Variants in GATAD2B observed in about 807,000 individuals in gnomAD.
GATAD2B encodes the protein transcriptional repressor p66-beta.
GATAD2B carries 8 observed loss-of-function variants against 64.3 expected under a neutral mutation model. The ratio of observed to expected loss-of-function variants is 0.12; its 90% CI spans 0.07 to 0.22. The LOEUF (loss-of-function observed/expected upper bound fraction) is 0.22, where lower values mean the gene tolerates loss of function less well. Among genes scored for constraint, GATAD2B ranks in the 10% least tolerant of loss-of-function variants. GATAD2B has a pLI of 1.00. For missense variants in GATAD2B, 453 were observed against 752.0 expected (o/e 0.60, Z 4.65); for synonymous variants, 281 against 271.3 (o/e 1.04, Z -0.35).
chr1:153,852,622 C>T, intron 1 of GATAD2B: 1 of 800,018 alleles, frequency 1.2e-6, no homozygotes, highest in Non-Finnish European at 2.3e-6. Flanking sequence ...CTCTTCCTGG[C>T]AAATTCAATC....
intron 1 of GATAD2B, among the ~76,000 whole-genome samples, chr1:153,892,178 A>AG (rs1369903299): frequency 2.0e-5 from 3 of 151,240 alleles, no homozygotes; most frequent in African/African-American, 7.3e-5. Context: ...AAAAAAAAAA[A>AG]AAAAAAAGAA....
intron 1 of GATAD2B, among the ~76,000 whole-genome samples, chr1:153,912,468 A>C (rs1425056619): frequency 6.6e-6 from 1 of 152,252 alleles, no homozygotes; most frequent in African/African-American, 2.4e-5. Context: ...CACTTATTAA[A>C]GGCCAAACTG....
Position 153,813,520 on chromosome 1 carries a change from G to A in GATAD2B, c.1217-68C>T, listed in dbSNP as rs576626570. 4.2e-5 allele frequency: 45 copies of A among 1,070,026 alleles called. 2 individuals are homozygous for A. In the South Asian group the frequency reaches 5.9e-4, roughly 14 times the overall value. 66.3% of individuals were successfully genotyped at this position (1,070,026 alleles called of 1,614,324 possible). A position where few individuals can be genotyped will look rare whatever the true frequency, so the allele number is the denominator to read the frequency against. Reference sequence around the variant, plus strand: ...CTCCTCTGTTTCTCTTAATCAAATAGATCTTTTCCAGGAGTTTATTCTGTT... The same window carrying A: ...CTCCTCTGTTTCTCTTAATCAAATAAATCTTTTCCAGGAGTTTATTCTGTT... On this transcript the variant is annotated intron_variant, in intron 7 of 10. Transcript: ENST00000368655.
At chr1:153,908,031 C>G (rs989624347) in intron 1 of GATAD2B, among the ~76,000 whole-genome samples, 1 of 152,194 alleles carries the variant, frequency 6.6e-6, no homozygotes, top group African/African-American at 2.4e-5. Flanking sequence ...TCTTGAACTC[C>G]TGACCTCATG....
At chr1:153,899,466 C>G (rs538906792) in intron 1 of GATAD2B, among the ~76,000 whole-genome samples, 2 of 151,814 alleles carry the variant, frequency 1.3e-5, no homozygotes, top group African/African-American at 4.8e-5. Context: ...ACTTGGGAGG[C>G]TGAGGCAGGA....
At chr1:153,867,892 GA>G (rs1464731067) in intron 1 of GATAD2B, among the ~76,000 whole-genome samples, 4 of 150,596 alleles carry the variant, frequency 2.7e-5, no homozygotes, top group Non-Finnish European at 4.4e-5. Context: ...CACCATATTA[GA>G]AACAGAATTA....
At chr1:153,852,331 G>T (rs1217857897) in intron 1 of GATAD2B, 3 of 960,862 alleles carry the variant, frequency 3.1e-6, no homozygotes, top group Admixed American at 1.7e-5. Context: ...AAAGGAGGCA[G>T]CATTGCAGAA....
Position 153,806,585 on chromosome 1 carries a change from G to A in GATAD2B, c.*3592C>T, listed in dbSNP as rs1360059685. Reference sequence around the variant, plus strand: ...CATAACACAGTTTCACAATATCCATGGCTAGGGCTTTTTTTTCTCTTTTTC... The same window carrying A: ...CATAACACAGTTTCACAATATCCATAGCTAGGGCTTTTTTTTCTCTTTTTC... On this transcript the variant is annotated 3_prime_UTR_variant, in exon 11 of 11. Coordinates refer to ENST00000368655, the MANE Select transcript of GATAD2B (RefSeq NM_020699.4). The A allele has an allele frequency of 2.0e-5, 3 of 150,184 alleles. No homozygotes were observed. Among genetic ancestry groups the A allele is most frequent in the Non-Finnish European group, 3.0e-5 (2 of 67,670 alleles). 9.3% of individuals were successfully genotyped at this position (150,184 alleles called of 1,614,324 possible). A position where few individuals can be genotyped will look rare whatever the true frequency, so the allele number is the denominator to read the frequency against.
chr1:153,822,464 A>T (rs938094376), intron 2 of GATAD2B, among the ~76,000 whole-genome samples: 7 of 152,220 alleles, frequency 4.6e-5, no homozygotes, highest in Admixed American at 1.3e-4. Flanking sequence ...ATTCCCAGAT[A>T]TAAACACACC....
At chr1:153,859,907 CTTTTTTTT>C (rs34557576) in intron 1 of GATAD2B, among the ~76,000 whole-genome samples, 84 of 60,896 alleles carry the variant, frequency 1.4e-3, no homozygotes, top group Non-Finnish European at 1.5e-3. Flanking sequence ...CTTTTCTTTT[CTTTTTTTT>C]TTTTTTTTTT....
At chr1:153,907,613 A>T (rs1429752796) in intron 1 of GATAD2B, among the ~76,000 whole-genome samples, 1 of 152,028 alleles carries the variant, frequency 6.6e-6, no homozygotes, top group African/African-American at 2.4e-5. Flanking sequence ...TAATGCCACT[A>T]AACTGTATAC....
chr1:153,844,604 C>T (rs927657471), intron 1 of GATAD2B, among the ~76,000 whole-genome samples: 3 of 151,618 alleles, frequency 2.0e-5, no homozygotes, highest in Non-Finnish European at 4.4e-5. Flanking sequence ...GAGTTCATAT[C>T]CTTTGTAGGG....
chr1:153,886,768 C>T (rs1431531214), intron 1 of GATAD2B, among the ~76,000 whole-genome samples: 2 of 151,354 alleles, frequency 1.3e-5, no homozygotes, highest in Admixed American at 1.3e-4. Context: ...ACTGTGTTAG[C>T]GAGGATGGTC....
chr1:153,854,756 T>G (rs1676023473), intron 1 of GATAD2B, among the ~76,000 whole-genome samples: 2 of 152,266 alleles, frequency 1.3e-5, no homozygotes, highest in South Asian at 2.1e-4. Context: ...TCAGTTCATA[T>G]AAACAAAATA....
intron 2 of GATAD2B, among the ~76,000 whole-genome samples, chr1:153,825,402 G>C (rs1674837222): frequency 6.6e-6 from 1 of 152,130 alleles, no homozygotes; most frequent in South Asian, 2.1e-4. Flanking sequence ...GGTTTCCTAA[G>C]AGGTTTTTTT....
intron 10 of GATAD2B, 85 bp downstream of exon 10, chr1:153,811,646 C>T: frequency 1.2e-6 from 1 of 820,194 alleles, no homozygotes; most frequent in East Asian, 2.4e-5. Context: ...AGTAAAGGAA[C>T]AATTCCCTTA....
chr1:153,808,797 C>CT lies in GATAD2B; in HGVS notation c.*1379dup, dbSNP rs1196284943. ...CAATTCATTCTCTACATTAGTAGCG[C>CT]TTAAAAAAAAAAAAAAAAAAAAGGC... On this transcript the variant is annotated 3_prime_UTR_variant, in exon 11 of 11. Transcript: ENST00000368655. 6.6e-5 allele frequency: 7 copies of CT among 106,776 alleles called. No individual in the cohort carries two copies. Among genetic ancestry groups the CT allele is most frequent in the Non-Finnish European group, 1.0e-4 (6 of 58,194 alleles). The allele number at this position is 106,776 out of a possible 1,614,324, so 6.6% of individuals were successfully genotyped here. A position where few individuals can be genotyped will look rare whatever the true frequency, so the allele number is the denominator to read the frequency against.
chr1:153,814,547 C>T (rs2101877414), intron 7 of GATAD2B, among the ~76,000 whole-genome samples: 1 of 152,060 alleles, frequency 6.6e-6, no homozygotes, highest in South Asian at 2.1e-4. Context: ...CTGAGGCAGG[C>T]AGATCACTTG....
chr1:153,819,520 G>C, intron 3 of GATAD2B, 86 bp downstream of exon 3: 1 of 997,334 alleles, frequency 1.0e-6, no homozygotes, highest in Non-Finnish European at 1.5e-6. Flanking sequence ...AGAGTAAATA[G>C]TCAAAAAACA....
Sources: allele counts gnomAD v4.1 joint callset (sites outside exome capture counted in the v4.1 genomes callset), GRCh38; gene constraint gnomAD v4.1.1; transcripts MANE v1.5; gene names NCBI Gene and HGNC (gene_info 2026-07-23, HGNC 2026-07-21).